SON: variants seen among roughly 807,000 people sequenced by gnomAD.
SON encodes SON DNA and RNA binding protein, also known as protein SON.
A neutral mutation model predicts 173.3 loss-of-function variants in SON; 4 were observed. The observed-to-expected ratio is 0.02, with a 90% confidence interval of 0.01 to 0.05. The LOEUF (loss-of-function observed/expected upper bound fraction) is 0.05, where lower values mean the gene tolerates loss of function less well. SON is among the 10% of genes least tolerant of loss of function. The probability of loss-of-function intolerance (pLI) is 1.00; values close to 1 mark genes in which losing one functional copy is unlikely to be tolerated. For synonymous variants in SON, 1,190 were observed against 1,105.9 expected (o/e 1.08, Z -1.51); for missense variants, 2,626 against 3,055.3 (o/e 0.86, Z 3.31).
chr21:33,568,658 G>A (rs2086221897), intron 7 of SON, among the ~76,000 whole-genome samples: 1 of 152,194 alleles, frequency 6.6e-6, no homozygotes, highest in African/African-American at 2.4e-5. Context: ...AGATAGGAAG[G>A]GAGGGTGGGG....
At chr21:33,575,553 G>A in intron 9 of SON, 43 bp from the exon 10 acceptor site, 1 of 1,466,114 alleles carries the variant, frequency 6.8e-7, no homozygotes, top group Non-Finnish European at 9.5e-7. Context: ...TTGTTTTAAA[G>A]TGGTGCTTTG....
Position 33,561,927 on chromosome 21 carries a change from T to C in SON, c.6657+2152T>C, listed in dbSNP as rs371163538. Among the ~76,000 whole-genome samples the C allele has an allele frequency of 3.3e-5, 5 of 152,348 alleles. No homozygotes were observed. The East Asian group carries it at 5.8e-4, about 18-fold the overall frequency. On this transcript the variant is annotated intron_variant, in intron 6 of 11. Transcript: ENST00000356577. ...AAATGAATAAAGCAGATGATGTCTC[T>C]TGTGGGACGATATATGTAACTATTT...
At position 33,569,560 on chromosome 21, in the gene SON, C is replaced by T. The variant is rs1469134404; in HGVS notation, c.6885+473C>T. 12 of 431,140 alleles carry T rather than the reference C, an allele frequency of 2.8e-5. 1 individual carries two copies. Among genetic ancestry groups the T allele is most frequent in the South Asian group, 1.4e-4 (8 of 58,760 alleles). 26.7% of individuals were successfully genotyped at this position (431,140 alleles called of 1,614,324 possible). On this transcript the variant is annotated intron_variant, in intron 8 of 11. Transcript: ENST00000356577. ...TCCTCTATTCCTTTGCCCTCGCACC[C>T]CACCCGCTTCATTAGTGCCTGTGCC...
At chr21:33,571,111 G>A (rs2086274925) in intron 8 of SON, among the ~76,000 whole-genome samples, 1 of 152,062 alleles carries the variant, frequency 6.6e-6, no homozygotes, top group South Asian at 2.1e-4. Context: ...GATAAATTAT[G>A]AGATAAAGAT....
rs762560033 is a variant in SON, at chr21:33,552,400, T to C, written c.3169T>C (p.Ser1057Pro). The C allele has an allele frequency of 3.7e-6, 6 of 1,614,034 alleles. No individual in the cohort carries two copies. Among genetic ancestry groups the C allele is most frequent in the Non-Finnish European group, 4.2e-6 (5 of 1,179,984 alleles). ...TATGATGTCCCCTATGGCTGAGCGC[T>C]CTATGATGTCAGCTTATGAACGCTC... ...RSMMSPMAERSMMSAYERSMM... is the reference protein window; with the variant it reads ...RSMMSPMAERPMMSAYERSMM... The change falls in exon 3 of 12, where the codon TCT (serine) becomes CCT (proline). Residue 1057 changes from serine to proline, a missense_variant. Transcript: ENST00000356577. The surrounding 1 kb of genome is among the most constrained non-coding windows in gnomAD (Gnocchi z 5.6).
At chr21:33,576,254 G>A (rs557164116) in intron 11 of SON, 111 bp from the exon 12 acceptor site, 96 of 703,750 alleles carry the variant, frequency 1.4e-4, no homozygotes, top group Admixed American at 1.0e-3. Flanking sequence ...GACTTACATA[G>A]TATGGGTTTT....
intron 3 of SON, among the ~76,000 whole-genome samples, chr21:33,556,510 C>T (rs1195539493): frequency 1.3e-5 from 2 of 151,836 alleles, no homozygotes; most frequent in Admixed American, 1.3e-4. Flanking sequence ...GTCAGGAGTT[C>T]GAGACCAGCC....
Position 33,554,654 on chromosome 21 carries a change from A to G in SON, c.5423A>G (p.Asn1808Ser). ...DTHEKSKKNK[N>S]RDKGEKEKKR... Reference sequence around the variant, plus strand: ...CACGAAAAAAGCAAGAAAAATAAGAACCGTGATAAGGGGGAGAAAGAGAAG... The same window carrying G: ...CACGAAAAAAGCAAGAAAAATAAGAGCCGTGATAAGGGGGAGAAAGAGAAG... The change falls in exon 3 of 12, where the codon AAC becomes AGC. Residue 1808 changes from asparagine (N) to serine (S), a missense_variant. Around this residue, in one of 13 missense-constraint regions of SON, gnomAD observed 1,006 missense variants for 895.6 expected, o/e 1.12. Transcript: ENST00000356577. The G allele has an allele frequency of 6.2e-7, 1 of 1,613,264 alleles. No homozygotes were observed. The highest frequency in any genetic ancestry group is 8.5e-7 in the Non-Finnish European group (1 of 1,179,890).
chr21:33,546,378 A>G lies in SON; in HGVS notation c.243A>G (p.Pro81=). 2 of 1,594,824 alleles carry G rather than the reference A, an allele frequency of 1.3e-6. No homozygotes were observed. The highest frequency in any genetic ancestry group is 1.7e-6 in the Non-Finnish European group (2 of 1,174,876). Residue 81 remains proline, a splice_region_variant and synonymous_variant, in exon 2 of 12, where the codon CCA becomes CCG. Coordinates refer to ENST00000356577, the MANE Select transcript of SON (RefSeq NM_138927.4). ...TAGATACAGAACTACGATATAAGCC[A>G]GGTAAGTTGGAGATAATTAACTGTC... The part of the protein sequence containing the change: ...GVLDTELRYK[P]DLKEGSRKSR...
rs1242637134 is a variant in SON, at chr21:33,559,787, G to A, written c.6657+12G>A. Reference sequence around the variant, plus strand: ...ATTTGCCCTCAGAGGTAAGTAGGAGGAATATTATGTATTTTTCCTTTTTTA... The same window carrying A: ...ATTTGCCCTCAGAGGTAAGTAGGAGAAATATTATGTATTTTTCCTTTTTTA... On this transcript the variant is annotated intron_variant, in intron 6 of 11. Transcript: ENST00000356577. This position sits in a 1 kb window ranked among gnomAD's most constrained non-coding sequence, Gnocchi z 4.1. 1.9e-6 allele frequency: 3 copies of A among 1,611,576 alleles called. No homozygotes were observed. The highest frequency in any genetic ancestry group is 2.5e-6 in the Non-Finnish European group (3 of 1,178,742).
At position 33,553,236 on chromosome 21, in the gene SON, T is replaced by C. The variant is rs2085856714; in HGVS notation, c.4005T>C (p.Thr1335=). The change falls in exon 3 of 12, where the codon ACT becomes ACC. Residue 1335 remains threonine, a synonymous_variant. Transcript: ENST00000356577. Reference sequence around the variant, plus strand: ...CATCCTTGTTGGTTCCAGCAGTAACTACTCCAGTGCTGGCAGAGAGCATTC... The same window carrying C: ...CATCCTTGTTGGTTCCAGCAGTAACCACTCCAGTGCTGGCAGAGAGCATTC... ...VSTSLLVPAV[T]TPVLAESILE... 1 of 1,614,052 alleles carries C rather than the reference T, an allele frequency of 6.2e-7. No individual in the cohort carries two copies. The highest frequency in any genetic ancestry group is 8.5e-7 in the Non-Finnish European group (1 of 1,180,042).
intron 8 of SON, chr21:33,569,351 T>C (rs2086235447): frequency 5.0e-6 from 2 of 399,792 alleles, no homozygotes; most frequent in South Asian, 5.3e-5. Context: ...GATTTAACTT[T>C]ATTTTGAACG....
chr21:33,554,057 G>C lies in SON; in HGVS notation c.4826G>C (p.Ser1609Thr). The part of the protein sequence containing the change: ...FALEPDATGT[S>T]KGIEFTTAST... ...CTGGAACCTGATGCAACAGGAACTA[G>C]TAAGGGTATTGAATTTACCACAGCA... The change falls in exon 3 of 12, where the codon AGT (serine) becomes ACT (threonine). Residue 1609 changes from serine to threonine, a missense_variant. Coordinates refer to ENST00000356577, the MANE Select transcript of SON (RefSeq NM_138927.4). 1 of 1,614,082 alleles carries C rather than the reference G, an allele frequency of 6.2e-7. No homozygotes were observed. Among genetic ancestry groups the C allele is most frequent in the South Asian group, 1.1e-5 (1 of 91,082 alleles).
Position 33,552,915 on chromosome 21 carries a change from T to C in SON, c.3684T>C (p.Thr1228=), listed in dbSNP as rs1298892804. 1.9e-6 allele frequency: 3 copies of C among 1,612,170 alleles called. No individual in the cohort carries two copies. The highest frequency in any genetic ancestry group is 2.5e-6 in the Non-Finnish European group (3 of 1,178,124). ...SEISEPSAVP[T]DYSVSASDPS... ...TTTCGGAGCCTTCAGCAGTGCCTAC[T>C]GATTATTCAGTGTCAGCATCAGATC... The change falls in exon 3 of 12, where the codon ACT becomes ACC. Residue 1228 remains threonine (T), a synonymous_variant. Coordinates refer to ENST00000356577, the MANE Select transcript of SON (RefSeq NM_138927.4). The surrounding 1 kb of genome is among the most constrained non-coding windows in gnomAD (Gnocchi z 5.6).
chr21:33,567,918 C>A (rs901454519), intron 7 of SON, among the ~76,000 whole-genome samples: 1 of 151,490 alleles, frequency 6.6e-6, no homozygotes, highest in African/African-American at 2.4e-5. Flanking sequence ...CTAAAAAAAA[C>A]AAAAGAGTGA....
intron 6 of SON, chr21:33,560,166 G>A (rs2086044799): frequency 6.3e-7 from 1 of 1,587,088 alleles, no homozygotes; most frequent in South Asian, 1.2e-5. Flanking sequence ...ATCGGAGAGG[G>A]CAGATCCTCA....
At chr21:33,548,780 G>A (rs2085683408) in intron 2 of SON, among the ~76,000 whole-genome samples, 1 of 152,178 alleles carries the variant, frequency 6.6e-6, no homozygotes, top group South Asian at 2.1e-4. Flanking sequence ...ATTATATTAT[G>A]TGGGTATTTT....
At position 33,551,559 on chromosome 21, in the gene SON, A is replaced by G; in HGVS notation, c.2328A>G (p.Leu776=). ...LATSSMDSQM[L]ATSSMDSQML... ...CTAGCTCCATGGACTCCCAGATGTT[A>G]GCAACTAGCTCCATGGACTCCCAGA... The change falls in exon 3 of 12, where the codon TTA becomes TTG. Residue 776 remains leucine (L), a synonymous_variant. Transcript: ENST00000356577. 1 of 1,613,928 alleles carries G rather than the reference A, an allele frequency of 6.2e-7. No individual in the cohort carries two copies. Among genetic ancestry groups the G allele is most frequent in the East Asian group, 2.2e-5 (1 of 44,878 alleles).
Position 33,575,582 on chromosome 21 carries a change from A to T in SON, c.7034-14A>T, listed in dbSNP as rs368780326. 2.3e-5 allele frequency: 37 copies of T among 1,582,042 alleles called. No homozygotes were observed. The African/African-American group carries it at 2.7e-4, about 12-fold the overall frequency. The stretch of plus-strand genomic sequence containing the variant: ...TGCTTTGAAATTTATTTAGTGAACA[A>T]TTTTTTTTTAAAGGTCTTGTTGCAG... On this transcript the variant is annotated splice_polypyrimidine_tract_variant and intron_variant, in intron 9 of 11. Transcript: ENST00000356577.
Sources: gnomAD v4.1 joint callset for allele counts (sites outside exome capture counted in the v4.1 genomes callset) on GRCh38, gnomAD v4.1.1 for gene constraint, gnomAD v4.1.1 regional missense constraint, Gnocchi (gnomAD v3.1) non-coding constraint, MANE v1.5 for transcripts, NCBI Gene and HGNC (gene_info 2026-07-23, HGNC 2026-07-21) for gene names.